Variants in RGS17 observed in about 807,000 individuals in gnomAD.
RGS17 encodes the protein regulator of G-protein signaling 17.
In RGS17, 12 loss-of-function variants were observed where a neutral mutation model predicts 25.5. The observed-to-expected ratio is 0.47, with a 90% confidence interval of 0.30 to 0.76. The LOEUF (loss-of-function observed/expected upper bound fraction) is 0.76, where lower values mean the gene tolerates loss of function less well. RGS17 is among the 30% of genes least tolerant of loss of function. RGS17 has a pLI of 0.07. For missense variants in RGS17, 196 were observed against 242.2 expected, an observed-to-expected ratio of 0.81 and a Z score of 1.27; for synonymous variants, 71 against 76.9, an observed-to-expected ratio of 0.92 and a Z score of 0.40.
rs1393844507 is a variant in RGS17 at position 153,054,092 on chromosome 6, T to TATA, written c.-25-10050_-25-10049insTAT. 3.5e-3 allele frequency among the ~76,000 whole-genome samples: 146 copies of TATA among 42,084 alleles called. 14 individuals are homozygous for TATA. The highest frequency in any genetic ancestry group is 0.027 in the East Asian group (25 of 942). 27.6% of individuals were successfully genotyped at this position (42,084 alleles called of 152,430 possible). On this transcript the variant is annotated intron_variant, in intron 1 of 4. Coordinates refer to ENST00000206262, the MANE Select transcript of RGS17 (RefSeq NM_012419.5). ...CATATATATATACACACAATATTTT[T>TATA]TATATATATATATATATATATGTGT...
chr6:153,029,635 G>T (rs184249055), intron 2 of RGS17, among the ~76,000 whole-genome samples: 440 of 150,944 alleles, frequency 2.9e-3, no homozygotes, highest in Non-Finnish European at 4.9e-3. Context: ...CTGTTGCCCA[G>T]GCTGGAGTGC....
chr6:153,106,634 T>C (rs751740685), intron 1 of RGS17, among the ~76,000 whole-genome samples: 1 of 151,892 alleles, frequency 6.6e-6, no homozygotes, highest in Non-Finnish European at 1.5e-5. Context: ...CCAATGACAT[T>C]AATTCATAGT....
intron 1 of RGS17, among the ~76,000 whole-genome samples, chr6:153,114,508 A>G (rs952033935): frequency 6.6e-6 from 1 of 152,194 alleles, no homozygotes; most frequent in Non-Finnish European, 1.5e-5. Flanking sequence ...AGATACAAAG[A>G]GGAGCTGATA....
rs1779052598 is a variant in RGS17, at chr6:153,004,549, A to C, written c.*7025T>G. On this transcript the variant is annotated 3_prime_UTR_variant, in exon 5 of 5. Transcript: ENST00000206262. The stretch of plus-strand genomic sequence containing the variant: ...TACAATAACATCCATAGGTTTCCAC[A>C]ATCTAGTAAAATGAAAACAGCTGTA... 6.6e-6 allele frequency: 1 copy of C among 152,212 alleles called. No homozygotes were observed. The highest frequency in any genetic ancestry group is 1.5e-5 in the Non-Finnish European group (1 of 68,010). The allele number at this position is 152,212 out of a possible 1,614,324, so 9.4% of individuals were successfully genotyped here.
Position 153,015,337 on chromosome 6 carries a change from G to T in RGS17, c.445-3575C>A, listed in dbSNP as rs963248759. On this transcript the variant is annotated intron_variant, in intron 4 of 4. Transcript: ENST00000206262. ...ACTGTGGGTAAAATGCTACCAAACA[G>T]CATTACATGCTATAGAGAAATCTTT... Among the ~76,000 whole-genome samples, 32 of 152,190 alleles carry T rather than the reference G, an allele frequency of 2.1e-4. 1 individual carries two copies. Among genetic ancestry groups the T allele is most frequent in the Non-Finnish European group, 5.9e-5 (4 of 68,028 alleles).
At chr6:153,094,044 G>A (rs1158391371) in intron 1 of RGS17, among the ~76,000 whole-genome samples, 1 of 151,610 alleles carries the variant, frequency 6.6e-6, no homozygotes, top group East Asian at 1.9e-4. Flanking sequence ...CTTTCCATAT[G>A]TACTATGCCT....
intron 1 of RGS17, among the ~76,000 whole-genome samples, chr6:153,107,260 G>A (rs565125199): frequency 1.3e-5 from 2 of 152,144 alleles, no homozygotes; most frequent in East Asian, 3.9e-4. Context: ...TTGAACCCGG[G>A]AGGTGGAGCT....
intron 1 of RGS17, among the ~76,000 whole-genome samples, chr6:153,098,801 G>T (rs1020135441): frequency 4.6e-5 from 7 of 152,130 alleles, no homozygotes; most frequent in Admixed American, 3.9e-4. Flanking sequence ...CTTCCAATAA[G>T]AATACTATCA....
chr6:153,109,823 C>T (rs1435391033), intron 1 of RGS17, among the ~76,000 whole-genome samples: 1 of 152,200 alleles, frequency 6.6e-6, no homozygotes, highest in Non-Finnish European at 1.5e-5. Flanking sequence ...TGTCCGGAAC[C>T]TTGGGGAAAT....
intron 1 of RGS17, among the ~76,000 whole-genome samples, chr6:153,098,223 T>C (rs1222950415): frequency 6.6e-6 from 1 of 152,054 alleles, no homozygotes; most frequent in Non-Finnish European, 1.5e-5. Flanking sequence ...CTTTCAGGTA[T>C]TGGAGTATGG....
chr6:153,023,473 CTT>C lies in RGS17; in HGVS notation c.444+787_444+788del, dbSNP rs937748925. 4.7e-4 allele frequency: 171 copies of C among 362,192 alleles called. 1 individual carries two copies. The highest frequency in any genetic ancestry group is 3.4e-3 in the African/African-American group (160 of 47,336). The allele number at this position is 362,192 out of a possible 1,614,324, so 22.4% of individuals were successfully genotyped here. ...GGGCCTGGCCACATTATTAACCACT[CTT>C]TCACCAAATGCTTTTAACTCTGTTA... On this transcript the variant is annotated intron_variant, in intron 4 of 4. Coordinates refer to ENST00000206262, the MANE Select transcript of RGS17 (RefSeq NM_012419.5).
chr6:153,071,555 A>C (rs1436739876), intron 1 of RGS17, among the ~76,000 whole-genome samples: 1 of 152,186 alleles, frequency 6.6e-6, no homozygotes, highest in Non-Finnish European at 1.5e-5. Flanking sequence ...AGTGAAAAAA[A>C]CTTGCAAAAC....
chr6:153,112,239 G>A (rs561922640), intron 1 of RGS17, among the ~76,000 whole-genome samples: 5 of 152,164 alleles, frequency 3.3e-5, no homozygotes, highest in African/African-American at 1.2e-4. Flanking sequence ...AAAGTGACCT[G>A]ATGGCACTGA....
At chr6:153,037,725 A>G (rs1489441075) in intron 2 of RGS17, among the ~76,000 whole-genome samples, 1 of 152,090 alleles carries the variant, frequency 6.6e-6, no homozygotes, top group Admixed American at 6.6e-5. Flanking sequence ...CACCCGGCCT[A>G]TTTTTTGCTA....
At chr6:153,094,902 C>G (rs1332201523) in intron 1 of RGS17, among the ~76,000 whole-genome samples, 1 of 33,292 alleles carries the variant, frequency 3.0e-5, no homozygotes, top group Non-Finnish European at 6.0e-5. Context: ...CATTTTAAAT[C>G]ACTTTTTATA....
intron 4 of RGS17, among the ~76,000 whole-genome samples, chr6:153,019,494 T>C (rs1779217499): frequency 6.6e-6 from 1 of 152,214 alleles, no homozygotes; most frequent in African/African-American, 2.4e-5. Flanking sequence ...TAATCCCCAG[T>C]GTTGGAGATG....
intron 1 of RGS17, among the ~76,000 whole-genome samples, chr6:153,129,998 C>G (rs1051882211): frequency 6.6e-6 from 1 of 152,110 alleles, no homozygotes; most frequent in Non-Finnish European, 1.5e-5. Flanking sequence ...CCGGCTCGCT[C>G]TCCCGGAGCC....
intron 4 of RGS17, among the ~76,000 whole-genome samples, chr6:153,019,014 A>G (rs1380115659): frequency 1.3e-5 from 2 of 152,244 alleles, no homozygotes; most frequent in Non-Finnish European, 2.9e-5. Flanking sequence ...TAGGTCTATT[A>G]CTTTTTTCTC....
chr6:153,013,601 A>T (rs1051671325), intron 4 of RGS17, among the ~76,000 whole-genome samples: 4 of 152,244 alleles, frequency 2.6e-5, no homozygotes, highest in Non-Finnish European at 5.9e-5. Context: ...GCCTCTTTTG[A>T]AAGTTAGCCA....
Sources: gnomAD v4.1 joint callset for allele counts (sites outside exome capture counted in the v4.1 genomes callset) on GRCh38, gnomAD v4.1.1 for gene constraint, MANE v1.5 for transcripts, NCBI Gene and HGNC (gene_info 2026-07-23, HGNC 2026-07-21) for gene names.